ATG5: variants seen among roughly 807,000 people sequenced by gnomAD.
The protein encoded by ATG5 is autophagy protein 5.
A neutral mutation model predicts 36.5 loss-of-function variants in ATG5; 14 were observed. The observed-to-expected ratio is 0.38, with a 90% CI of 0.25 to 0.60. The LOEUF (loss-of-function observed/expected upper bound fraction) is 0.60, where lower values mean the gene tolerates loss of function less well. ATG5 is among the 20% of genes least tolerant of loss of function. The pLI is 0.60. For synonymous variants in ATG5, 95 were observed against 101.5 expected (o/e 0.94, Z 0.38); for missense variants, 195 against 326.7 (o/e 0.60, Z 3.11).
At chr6:106,247,273 C>A (rs1420598517) in intron 6 of ATG5, among the ~76,000 whole-genome samples, 1 of 151,888 alleles carries the variant, frequency 6.6e-6, no homozygotes, top group African/African-American at 2.4e-5. Context: ...TTCTTAAATG[C>A]TTTTCTCATT....
At chr6:106,315,926 A>G (rs1244851396) in intron 2 of ATG5, among the ~76,000 whole-genome samples, 175 bp downstream of exon 2, 1 of 152,240 alleles carries the variant, frequency 6.6e-6, no homozygotes, top group East Asian at 1.9e-4. Flanking sequence ...TCTGAGTGGT[A>G]GCATTAGAGG....
At chr6:106,306,537 G>A (rs2114661037) in intron 3 of ATG5, among the ~76,000 whole-genome samples, 1 of 152,302 alleles carries the variant, frequency 6.6e-6, no homozygotes, top group African/African-American at 2.4e-5. Context: ...ATAATGTACA[G>A]GGTAGCCCAC....
intron 1 of ATG5, among the ~76,000 whole-genome samples, chr6:106,319,292 TAATC>T (rs1288021460): frequency 6.6e-6 from 1 of 152,106 alleles, no homozygotes; most frequent in East Asian, 1.9e-4. Flanking sequence ...AAACTAATAA[TAATC>T]AAAAGCATTA....
intron 7 of ATG5, among the ~76,000 whole-genome samples, chr6:106,200,869 G>C (rs915076631): frequency 1.9e-4 from 28 of 149,952 alleles, no homozygotes; most frequent in African/African-American, 6.8e-4. Flanking sequence ...GGATTCAAGA[G>C]CAGCAGGACA....
chr6:106,289,265 T>A (rs1780209286), intron 4 of ATG5, among the ~76,000 whole-genome samples: 1 of 152,120 alleles, frequency 6.6e-6, no homozygotes, highest in African/African-American at 2.4e-5. Flanking sequence ...TTATAATCAA[T>A]CAAAAATCTA....
intron 6 of ATG5, among the ~76,000 whole-genome samples, chr6:106,225,296 T>C (rs1212314440): frequency 6.6e-6 from 1 of 152,172 alleles, no homozygotes; most frequent in Non-Finnish European, 1.5e-5. Flanking sequence ...ATGTCAAAGA[T>C]TCAATTCATT....
At chr6:106,206,539 A>T (rs1201331034) in intron 6 of ATG5, among the ~76,000 whole-genome samples, 1 of 151,836 alleles carries the variant, frequency 6.6e-6, no homozygotes, top group Admixed American at 6.6e-5. Flanking sequence ...AATCCCAGCT[A>T]CTCAGGAGGC....
chr6:106,234,196 T>C (rs1777800681), intron 6 of ATG5, among the ~76,000 whole-genome samples: 1 of 152,126 alleles, frequency 6.6e-6, no homozygotes, highest in Non-Finnish European at 1.5e-5. Flanking sequence ...ATAGCACCCC[T>C]AGCCCCTACA....
intron 6 of ATG5, among the ~76,000 whole-genome samples, chr6:106,222,297 G>C (rs1777282147): frequency 6.6e-6 from 1 of 152,070 alleles, no homozygotes; most frequent in East Asian, 1.9e-4. Flanking sequence ...TAACTATTTT[G>C]GCTTCTAAAA....
chr6:106,284,080 CATTGGGT>C (rs1779985436), intron 4 of ATG5, among the ~76,000 whole-genome samples: 1 of 152,154 alleles, frequency 6.6e-6, no homozygotes, highest in African/African-American at 2.4e-5. Context: ...AGCTGATGGA[CATTGGGT>C]TATTTCCACT....
At chr6:106,320,426 A>C (rs558514164) in intron 1 of ATG5, among the ~76,000 whole-genome samples, 1 of 152,336 alleles carries the variant, frequency 6.6e-6, no homozygotes, top group Admixed American at 6.5e-5. Flanking sequence ...AAAGGTATTA[A>C]GTGGGCAGGT....
intron 4 of ATG5, chr6:106,283,401 A>G (rs1779953034): frequency 6.6e-6 from 1 of 152,006 alleles, no homozygotes; most frequent in Non-Finnish European, 1.5e-5. Context: ...ATTTTATTTT[A>G]TTTTTATTTT....
chr6:106,194,579 C>G (rs1776103431), intron 7 of ATG5, among the ~76,000 whole-genome samples: 1 of 150,974 alleles, frequency 6.6e-6, no homozygotes, highest in Non-Finnish European at 1.5e-5. Flanking sequence ...ACTCTTGGTG[C>G]CCAGGCTAGA....
intron 4 of ATG5, among the ~76,000 whole-genome samples, chr6:106,288,142 TG>T (rs1488778961): frequency 6.6e-6 from 1 of 151,940 alleles, no homozygotes; most frequent in African/African-American, 2.4e-5. Flanking sequence ...AGCTAATTTT[TG>T]TATTTTTAGT....
intron 5 of ATG5, among the ~76,000 whole-genome samples, chr6:106,268,714 G>C (rs1208932825): frequency 6.6e-6 from 1 of 152,064 alleles, no homozygotes; most frequent in African/African-American, 2.4e-5. Context: ...GAATGATTTT[G>C]TATCCTCTGC....
rs1423458624 is a variant in ATG5, at chr6:106,191,714, A to T, written c.692-5038T>A. ...TCTTCTCCACCCCTCTCTCCTGCTC[A>T]CTCTCTAATAAAAAATAATGGTGTC... On this transcript the variant is annotated intron_variant, in intron 7 of 7. Transcript: ENST00000369076. Among the ~76,000 whole-genome samples, 3 of 152,184 alleles carry T rather than the reference A, an allele frequency of 2.0e-5. No individual in the cohort carries two copies. The East Asian group carries it at 5.8e-4, about 29-fold the overall frequency.
chr6:106,292,774 A>G (rs1386005136), intron 4 of ATG5, among the ~76,000 whole-genome samples: 1 of 152,164 alleles, frequency 6.6e-6, no homozygotes, highest in Non-Finnish European at 1.5e-5. Flanking sequence ...CTGGCCCAAA[A>G]ACTCGTAAAT....
intron 3 of ATG5, among the ~76,000 whole-genome samples, chr6:106,307,797 A>G (rs146047716): frequency 6.6e-6 from 1 of 152,260 alleles, no homozygotes; most frequent in East Asian, 1.9e-4. Flanking sequence ...CGGCCTCCCA[A>G]AGTGCTGGGA....
intron 6 of ATG5, among the ~76,000 whole-genome samples, chr6:106,211,745 CATA>C (rs1379585764): frequency 6.6e-6 from 1 of 152,094 alleles, no homozygotes; most frequent in Non-Finnish European, 1.5e-5. Flanking sequence ...AAACTGAATG[CATA>C]ATATCATTTG....
Sources: allele counts gnomAD v4.1 joint callset (sites outside exome capture counted in the v4.1 genomes callset), GRCh38; gene constraint gnomAD v4.1.1; transcripts MANE v1.5; gene names NCBI Gene and HGNC (gene_info 2026-07-23, HGNC 2026-07-21).